Variants in ZNF229 observed in about 807,000 individuals in gnomAD.
ZNF229 encodes zinc finger protein 229.
In ZNF229, 10 loss-of-function variants were observed where a neutral mutation model predicts 11.8. The ratio of observed to expected loss-of-function variants is 0.85; its 90% CI spans 0.52 to 1.44. ZNF229 has a LOEUF of 1.44. Among genes scored for constraint, ZNF229 ranks in the 40% most tolerant of loss-of-function variants. The probability of loss-of-function intolerance (pLI) is 0.00; values close to 1 mark genes in which losing one functional copy is unlikely to be tolerated. For synonymous variants in ZNF229, 368 were observed against 374.8 expected, an observed-to-expected ratio of 0.98 and a Z score of 0.21; for missense variants, 1,045 against 1,015.1, an observed-to-expected ratio of 1.03 and a Z score of -0.40.
intron 5 of ZNF229, 131 bp downstream of exon 5, chr19:44,432,091 C>T: frequency 2.1e-6 from 3 of 1,452,288 alleles, no homozygotes; most frequent in Non-Finnish European, 2.7e-6. Flanking sequence ...TTATATGCCA[C>T]TCAGTCTGGC....
intron 4 of ZNF229, among the ~76,000 whole-genome samples, chr19:44,433,367 A>C (rs1383819716): frequency 6.6e-6 from 1 of 152,082 alleles, no homozygotes; most frequent in Non-Finnish European, 1.5e-5. Flanking sequence ...ATATTTGCCC[A>C]CTGATATAGT....
At position 44,429,577 on chromosome 19, in the gene ZNF229, C is replaced by T. The variant is rs1971668783; in HGVS notation, c.1204G>A (p.Glu402Lys). The change falls in exon 6 of 6, where the codon GAG becomes AAG. Residue 402 changes from glutamate to lysine, a missense_variant. By Grantham distance (56) the Glu-to-Lys change is moderately conservative. Transcript: ENST00000614049. ...LLVHQRVHTGEKPYKCSECGK... is the reference protein window; with the variant it reads ...LLVHQRVHTGKKPYKCSECGK... ...CACTCGCTGCATTTATATGGTTTCT[C>T]TCCAGTGTGGACCCTCTGATGGACA... The T allele has an allele frequency of 6.2e-7, 1 of 1,613,982 alleles. No individual in the cohort carries two copies. Among genetic ancestry groups the T allele is most frequent in the African/African-American group, 1.3e-5 (1 of 74,862 alleles).
intron 4 of ZNF229, among the ~76,000 whole-genome samples, chr19:44,441,672 A>G (rs1271323362): frequency 6.6e-6 from 1 of 152,228 alleles, no homozygotes; most frequent in Non-Finnish European, 1.5e-5. Context: ...GTGTGTACAT[A>G]TATATGTATA....
At position 44,435,923 on chromosome 19, in the gene ZNF229, G is replaced by GGCTA. The variant is rs143547780; in HGVS notation, c.94-3561_94-3558dup. 9.0e-4 allele frequency among the ~76,000 whole-genome samples: 137 copies of GGCTA among 152,268 alleles called. 3 individuals carry two copies. In the East Asian group the frequency reaches 0.022, roughly 25 times the overall value. The stretch of plus-strand genomic sequence containing the variant: ...TGGCCAGATCACTCAGGGCCTCTTA[G>GGCTA]GCTACATTGATGATTTTGGTCTTTC... On this transcript the variant is annotated intron_variant, in intron 4 of 5. Transcript: ENST00000614049.
chr19:44,430,074 A>C lies in ZNF229; in HGVS notation c.707T>G (p.Ile236Arg). ...SCHVDHRFPE[I>R]DKPCGCNKCR... ...TTTATTGCAACCACACGGCTTGTCT[A>C]TTTCAGGGAATCTGTGATCAACATG... is the stretch of plus-strand genomic sequence containing the variant. Residue 236 changes from isoleucine (I) to arginine (R), a missense_variant, in exon 6 of 6, where the codon ATA becomes AGA. Physicochemically the swap from Ile to Arg is moderately conservative, Grantham distance 97. Transcript: ENST00000614049. 6.2e-7 allele frequency: 1 copy of C among 1,614,140 alleles called. No homozygotes were observed.
chr19:44,437,389 C>T (rs987090267), intron 4 of ZNF229, among the ~76,000 whole-genome samples: 4 of 151,960 alleles, frequency 2.6e-5, no homozygotes, highest in African/African-American at 9.7e-5. Flanking sequence ...GTCAACATGA[C>T]TACAGAAATG....
rs1472357797 is a variant in ZNF229 at position 44,428,170 on chromosome 19, CAGACT to C, written c.*128_*132del. 5 of 1,004,746 alleles carry C rather than the reference CAGACT, an allele frequency of 5.0e-6. No individual in the cohort carries two copies. In the Admixed American group the frequency reaches 8.5e-5, roughly 17 times the overall value. 62.2% of individuals were successfully genotyped at this position (1,004,746 alleles called of 1,614,324 possible). ...CACATCCAGGTGTTCCCTTCCTATG[CAGACT>C]AGAAAATGTAAAATCATCAGTTTCT... On this transcript the variant is annotated 3_prime_UTR_variant, in exon 6 of 6. Transcript: ENST00000614049.
chr19:44,436,616 T>C (rs967873440), intron 4 of ZNF229, among the ~76,000 whole-genome samples: 1 of 151,328 alleles, frequency 6.6e-6, no homozygotes, highest in African/African-American at 2.4e-5. Flanking sequence ...CCTACATCTC[T>C]ACAAAAAATA....
chr19:44,434,747 A>G (rs28664885), intron 4 of ZNF229, among the ~76,000 whole-genome samples: 1 of 152,136 alleles, frequency 6.6e-6, no homozygotes, highest in African/African-American at 2.4e-5. Flanking sequence ...TGACTTTTTT[A>G]TTTAAGTCAT....
In ZNF229 at chr19:44,428,061, G is replaced by C. The variant is rs537558241; in HGVS notation, c.*242C>G. On this transcript the variant is annotated 3_prime_UTR_variant, in exon 6 of 6. Coordinates refer to ENST00000614049, the MANE Select transcript of ZNF229 (RefSeq NM_014518.4). ...GAGGATTATTACTGAAACCACTGCTGCACTGTTTCTTTAAAGCCTACTCCG... is the reference window on the plus strand; with the variant it reads ...GAGGATTATTACTGAAACCACTGCTCCACTGTTTCTTTAAAGCCTACTCCG... 2 of 464,134 alleles carry C rather than the reference G, an allele frequency of 4.3e-6. No individual in the cohort carries two copies. Among genetic ancestry groups the C allele is most frequent in the African/African-American group, 3.9e-5 (2 of 51,694 alleles). The allele number at this position is 464,134 out of a possible 1,614,324, so 28.8% of individuals were successfully genotyped here. A position where few individuals can be genotyped will look rare whatever the true frequency, so the allele number is the denominator to read the frequency against.
intron 4 of ZNF229, among the ~76,000 whole-genome samples, chr19:44,434,718 T>C (rs1333076850): frequency 6.6e-6 from 1 of 152,234 alleles, no homozygotes; most frequent in African/African-American, 2.4e-5. Flanking sequence ...AAGTTAAGAA[T>C]GAGATGAATG....
At chr19:44,441,748 A>G (rs1444049856) in intron 4 of ZNF229, among the ~76,000 whole-genome samples, 1 of 152,226 alleles carries the variant, frequency 6.6e-6, no homozygotes, top group African/African-American at 2.4e-5. Context: ...TGATGCTGCA[A>G]TTATCATTCT....
In ZNF229 at chr19:44,429,315, T is replaced by G. The variant is rs748743452; in HGVS notation, c.1466A>C (p.Tyr489Ser). 1.9e-6 allele frequency: 3 copies of G among 1,614,114 alleles called. No homozygotes were observed. Among genetic ancestry groups the G allele is most frequent in the Non-Finnish European group, 2.5e-6 (3 of 1,179,990 alleles). Residue 489 changes from tyrosine (Y) to serine (S), a missense_variant, in exon 6 of 6, where the codon TAC (tyrosine) becomes TCC (serine). Coordinates refer to ENST00000614049, the MANE Select transcript of ZNF229 (RefSeq NM_014518.4). Reference sequence around the variant, plus strand: ...ACCTTTGCCACACTTGTCACACTGGTAGGGCCTCTCGCCGGTGTGTGTCTT... The same window carrying G: ...ACCTTTGCCACACTTGTCACACTGGGAGGGCCTCTCGCCGGTGTGTGTCTT... ...HQKTHTGERPYQCDKCGKGFS... is the reference protein window; with the variant it reads ...HQKTHTGERPSQCDKCGKGFS...
Position 44,428,442 on chromosome 19 carries a change from T to G in ZNF229, c.2339A>C (p.Asn780Thr). 1.9e-6 allele frequency: 3 copies of G among 1,612,196 alleles called. No individual in the cohort carries two copies. Among genetic ancestry groups the G allele is most frequent in the South Asian group, 1.1e-5 (1 of 90,976 alleles). Residue 780 changes from asparagine to threonine, a missense_variant, in exon 6 of 6, where the codon AAC becomes ACC. Asn to Thr is a moderately conservative substitution (Grantham distance 65, BLOSUM62 0). Coordinates refer to ENST00000614049, the MANE Select transcript of ZNF229 (RefSeq NM_014518.4). ...TCTCTGATGAACATGAAGACAGGAG[T>G]TGCGGCCAAAGCCCTTCCCACACTC... Reference protein sequence around the residue: ...CEECGKGFGRNSCLHVHQRVH... With the variant: ...CEECGKGFGRTSCLHVHQRVH...
chr19:44,439,622 T>C (rs1258507048), intron 4 of ZNF229, among the ~76,000 whole-genome samples: 1 of 152,000 alleles, frequency 6.6e-6, no homozygotes, highest in Non-Finnish European at 1.5e-5. Context: ...TTTTTTACTT[T>C]TGGTAGAGAC....
intron 5 of ZNF229, 46 bp downstream of exon 5, chr19:44,432,176 T>G: frequency 6.4e-7 from 1 of 1,559,752 alleles, no homozygotes; most frequent in Non-Finnish European, 8.6e-7. Context: ...CAAAAATATC[T>G]TCTCTCCAGG....
intron 2 of ZNF229, among the ~76,000 whole-genome samples, chr19:44,445,310 G>A (rs1971985293): frequency 1.4e-5 from 2 of 143,916 alleles, no homozygotes; most frequent in South Asian, 4.2e-4. Context: ...ACAGCAGCTG[G>A]AGTGATCTTT....
In ZNF229 at chr19:44,428,459, C is replaced by T. The variant is rs539501231; in HGVS notation, c.2322G>A (p.Gly774=). ...GEKPYKCEEC[G]KGFGRNSCLH... ...GACAGGAGTTGCGGCCAAAGCCCTT[C>T]CCACACTCCTCACATTTATAGGGTT... The change falls in exon 6 of 6, where the codon GGG becomes GGA. Residue 774 remains glycine (G), a synonymous_variant. Coordinates refer to ENST00000614049, the MANE Select transcript of ZNF229 (RefSeq NM_014518.4). 6.2e-7 allele frequency: 1 copy of T among 1,613,876 alleles called. No individual in the cohort carries two copies. The highest frequency in any genetic ancestry group is 1.1e-5 in the South Asian group (1 of 91,072).
At chr19:44,442,710 A>C in intron 3 of ZNF229, 89 bp from the exon 4 acceptor site, 12 of 1,604,228 alleles carry the variant, frequency 7.5e-6, no homozygotes, top group Non-Finnish European at 1.0e-5. Flanking sequence ...CCAGCTTTAC[A>C]GACTGGTTTC....
Sources: gnomAD v4.1 joint callset for allele counts (sites outside exome capture counted in the v4.1 genomes callset) on GRCh38, gnomAD v4.1.1 for gene constraint, MANE v1.5 for transcripts, NCBI Gene and HGNC (gene_info 2026-07-23, HGNC 2026-07-21) for gene names.